The following TUBB8 variants were observed in gnomAD, a reference collection of about 807,000 sequenced individuals.
The protein encoded by TUBB8 is tubulin beta 8 class VIII.
Under a neutral mutation model 33.7 loss-of-function variants are expected in TUBB8, and 25 were observed. The observed-to-expected ratio is 0.74, with a 90% CI of 0.54 to 1.04. The LOEUF (loss-of-function observed/expected upper bound fraction) is 1.04, where lower values mean the gene tolerates loss of function less well. Ranked by LOEUF, TUBB8 falls within the 50% of genes least tolerant of loss-of-function variation. The probability of loss-of-function intolerance (pLI) is 0.00; values close to 1 mark genes in which losing one functional copy is unlikely to be tolerated. For synonymous variants in TUBB8, 245 were observed against 240.1 expected, an observed-to-expected ratio of 1.02 and a Z score of -0.19; for missense variants, 279 against 608.0, an observed-to-expected ratio of 0.46 and a Z score of 5.69.
At chr10:68,216 C>T (rs1483049501) in intron 1 of TUBB8, among the ~76,000 whole-genome samples, 2 of 152,124 alleles carry the variant, frequency 1.3e-5, no homozygotes, top group Non-Finnish European at 2.9e-5. Flanking sequence ...GCTGTGACAC[C>T]CATAAGACTG....
chr10:53,410 G>A (rs1204574087), upstream of TUBB8, among the ~76,000 whole-genome samples: 2 of 152,248 alleles, frequency 1.3e-5, no homozygotes, highest in Non-Finnish European at 1.5e-5. Context: ...TTACAGGCAT[G>A]AGCCACTGCT....
At chr10:67,372 G>A (rs1459632818) in intron 1 of TUBB8, among the ~76,000 whole-genome samples, 12 of 152,234 alleles carry the variant, frequency 7.9e-5, no homozygotes, top group African/African-American at 2.6e-4. Context: ...AAGCTTTCTT[G>A]AATTTACTTC....
intron 1 of TUBB8, among the ~76,000 whole-genome samples, chr10:58,193 C>A (rs1834556897): frequency 1.3e-5 from 2 of 152,236 alleles, no homozygotes; most frequent in South Asian, 4.1e-4. Flanking sequence ...TTCTAATTTT[C>A]ATCTGAGACC....
upstream of TUBB8, among the ~76,000 whole-genome samples, chr10:54,254 G>A (rs1234112903): frequency 2.7e-5 from 4 of 150,804 alleles, no homozygotes; most frequent in African/African-American, 9.7e-5. Flanking sequence ...CAATTGTTTT[G>A]AATTTTAGCG....
At chr10:62,097 T>G (rs1473530249) in intron 1 of TUBB8, among the ~76,000 whole-genome samples, 19 of 152,232 alleles carry the variant, frequency 1.2e-4, no homozygotes, top group Admixed American at 2.6e-4. Flanking sequence ...ACATTCAATG[T>G]TATTATTGAT....
At chr10:64,975 T>TAAAAAAAAAAAAAAAAAAAAAAA (rs61340461) in intron 1 of TUBB8, among the ~76,000 whole-genome samples, 3 of 118,534 alleles carry the variant, frequency 2.5e-5, no homozygotes, top group Non-Finnish European at 3.5e-5. Flanking sequence ...CCATCTCCAC[T>TAAAAAAAAAAAAAAAAAAAAAAA]AAAAAAAAAA....
At position 48,792 on chromosome 10, in the gene TUBB8, C is replaced by A. The variant is rs374432016; in HGVS notation, c.166+12G>T. ...TCCCAGGAGGGCGGTGGGGGAAGGA[C>A]GGGGGTCTCACCGCTGGCCTCGTTG... On this transcript the variant is annotated intron_variant, in intron 2 of 3. Transcript: ENST00000568584. 4 of 1,611,228 alleles carry A rather than the reference C, an allele frequency of 2.5e-6. No homozygotes were observed. In the Admixed American group the frequency reaches 5.0e-5, roughly 20 times the overall value.
chr10:67,622 C>T (rs1348355599), intron 1 of TUBB8, among the ~76,000 whole-genome samples: 8 of 152,150 alleles, frequency 5.3e-5, no homozygotes, highest in African/African-American at 1.9e-4. Flanking sequence ...GACGGGGTTT[C>T]ACCGTGTTAG....
chr10:63,421 C>G lies in TUBB8; in HGVS notation c.-846+10548G>C, dbSNP rs1834628183. Among the ~76,000 whole-genome samples, 8 of 152,202 alleles carry G rather than the reference C, an allele frequency of 5.3e-5. No individual in the cohort carries two copies. The South Asian group carries it at 1.7e-3, about 32-fold the overall frequency. On this transcript the variant is annotated intron_variant, in intron 1 of 3. Transcript: ENST00000564130. The stretch of plus-strand genomic sequence containing the variant: ...CTCTTTTTCTACCACCTCTTTAAGG[C>G]CAATAACTCTTAGATTCCTATTTTG...
chr10:73,377 A>G (rs1834762711), intron 1 of TUBB8, among the ~76,000 whole-genome samples: 2 of 152,212 alleles, frequency 1.3e-5, no homozygotes, highest in Non-Finnish European at 1.5e-5. Context: ...CAGGTGGCTC[A>G]CGCCTGTAAT....
At chr10:50,237 T>A (rs1289922797), upstream of TUBB8, 1 of 152,188 alleles carries the variant, frequency 6.6e-6, no homozygotes, top group Admixed American at 6.5e-5. Flanking sequence ...TTTACCCCTA[T>A]AAACAAATGA....
chr10:67,422 T>G (rs1267643917), intron 1 of TUBB8, among the ~76,000 whole-genome samples: 2 of 152,186 alleles, frequency 1.3e-5, no homozygotes, highest in Admixed American at 6.5e-5. Flanking sequence ...GTTATTTTGT[T>G]GTTGTTTTTT....
rs1218091152 is a variant in TUBB8, at chr10:56,152, T to C, written c.-845-5919A>G. On this transcript the variant is annotated intron_variant, in intron 1 of 3. Transcript: ENST00000564130. ...ACTTTCCATTTTTTTGTCTTCTCTT[T>C]CTTTTATCAGTGTTTTACGTTTTTA... Among the ~76,000 whole-genome samples the C allele has an allele frequency of 6.7e-4, 101 of 151,602 alleles. 1 individual carries two copies. The highest frequency in any genetic ancestry group is 2.4e-4 in the Non-Finnish European group (16 of 68,040).
At chr10:65,584 G>C (rs1554741480) in intron 1 of TUBB8, among the ~76,000 whole-genome samples, 31 of 152,338 alleles carry the variant, frequency 2.0e-4, no homozygotes, top group Non-Finnish European at 5.9e-5. Flanking sequence ...AATTAGCCAG[G>C]CGTGGTGGCG....
chr10:70,298 T>C, intron 1 of TUBB8, among the ~76,000 whole-genome samples: 1 of 152,248 alleles, frequency 6.6e-6, no homozygotes, highest in Middle Eastern at 3.4e-3. Context: ...TTTTTATTAT[T>C]ATACTTTAAG....
At chr10:65,337 A>G (rs1554741442) in intron 1 of TUBB8, among the ~76,000 whole-genome samples, 2 of 152,220 alleles carry the variant, frequency 1.3e-5, no homozygotes, top group African/African-American at 2.4e-5. Context: ...CCCATACCCA[A>G]TCCCATCCGC....
chr10:56,198 C>A (rs11252400), intron 1 of TUBB8, among the ~76,000 whole-genome samples: 17,930 of 151,544 alleles, frequency 0.12, 1,917 homozygotes, highest in African/African-American at 0.33. Flanking sequence ...ACTTTTATTT[C>A]TTTGGTAAAT....
At chr10:75,633 T>C (rs1554743071), upstream of TUBB8, among the ~76,000 whole-genome samples, 3 of 120,466 alleles carry the variant, frequency 2.5e-5, no homozygotes, top group Non-Finnish European at 5.1e-5. Context: ...CCAGCCTGGG[T>C]GACAGAGCAA....
upstream of TUBB8, among the ~76,000 whole-genome samples, chr10:76,300 A>G (rs1475622478): frequency 1.3e-5 from 2 of 152,072 alleles, no homozygotes; most frequent in Non-Finnish European, 2.9e-5. Context: ...CCCCAGAAAC[A>G]AAATCGCATC....
Sources: gnomAD v4.1 joint callset for allele counts (sites outside exome capture counted in the v4.1 genomes callset) on GRCh38, gnomAD v4.1.1 for gene constraint, MANE v1.5 for transcripts, NCBI Gene and HGNC (gene_info 2026-07-23, HGNC 2026-07-21) for gene names.